PIWIL1: variants seen among roughly 807,000 people sequenced by gnomAD.
The protein encoded by PIWIL1 is piwi like RNA-mediated gene silencing 1.
PIWIL1 carries 73 observed loss-of-function variants against 114.4 expected under a neutral mutation model. That is an observed-to-expected ratio of 0.64 (90% CI 0.53 to 0.78). The LOEUF (loss-of-function observed/expected upper bound fraction) is 0.78. Ranked by LOEUF, PIWIL1 falls within the 30% of genes least tolerant of loss-of-function variation. PIWIL1 has a pLI of 0.00. For missense variants in PIWIL1, 723 were observed against 1,063.1 expected, an observed-to-expected ratio of 0.68 and a Z score of 4.45; for synonymous variants, 375 against 369.0, an observed-to-expected ratio of 1.02 and a Z score of -0.19.
chr12:130,372,560 T>A lies in PIWIL1; in HGVS notation c.*962T>A, dbSNP rs2073834367. 8.2e-6 allele frequency: 1 copy of A among 122,098 alleles called. No individual in the cohort carries two copies. The highest frequency in any genetic ancestry group is 1.0e-4 in the Admixed American group (1 of 9,642). The allele number at this position is 122,098 out of a possible 1,614,324, so 7.6% of individuals were successfully genotyped here. A position where few individuals can be genotyped will look rare whatever the true frequency, so the allele number is the denominator to read the frequency against. On this transcript the variant is annotated 3_prime_UTR_variant, in exon 21 of 21. Transcript: ENST00000245255. ...TTGCAGTGAGCAGAGATCACGCCAC[T>A]GCACTCCAGCCTGGGCAACAGAGTG...
rs2073169771 is a variant in PIWIL1, at chr12:130,349,921, A to AG, written c.999dup (p.Lys334GlufsTer6). 6.2e-7 allele frequency: 1 copy of AG among 1,613,582 alleles called. No homozygotes were observed. Among genetic ancestry groups the AG allele is most frequent in the East Asian group, 2.2e-5 (1 of 44,850 alleles). On this transcript the variant is annotated frameshift_variant, in exon 9 of 21. Coordinates refer to ENST00000245255, the MANE Select transcript of PIWIL1 (RefSeq NM_004764.5). LOFTEE classifies it high-confidence loss of function. ...GACCAGAATCCCAAGAGCACCTTTA[A>AG]GAAAGCCGACGGCTCTGAAGTCAGC...
At chr12:130,401,905 C>G in the PIWIL1 span, among the ~76,000 whole-genome samples, 5 of 152,132 alleles carry the variant, frequency 3.3e-5, no homozygotes, top group African/African-American at 1.2e-4. Flanking sequence ...ATGCACACAT[C>G]TCCGCTGGTG....
At chr12:130,343,524 G>A (rs1429473853) in intron 3 of PIWIL1, among the ~76,000 whole-genome samples, 1 of 151,740 alleles carries the variant, frequency 6.6e-6, no homozygotes, top group Non-Finnish European at 1.5e-5. Context: ...CTAATGTATT[G>A]TAGAAATTAA....
intron 14 of PIWIL1, among the ~76,000 whole-genome samples, 163 bp from the exon 15 acceptor site, chr12:130,361,017 T>A (rs1364894309): frequency 6.6e-6 from 1 of 152,212 alleles, no homozygotes; most frequent in Non-Finnish European, 1.5e-5. Flanking sequence ...GAGCAGTATT[T>A]GTTAATGTCC....
the PIWIL1 span, among the ~76,000 whole-genome samples, chr12:130,421,724 T>TGTGTGTGTGTGTGTGTGTGTGTG: frequency 6.6e-6 from 1 of 151,482 alleles, no homozygotes; most frequent in African/African-American, 2.4e-5. Flanking sequence ...TGTGTGTGTG[T>TGTGTGTGTGTGTGTGTGTGTGTG]TTTCATAGAA....
chr12:130,338,987 G>C (rs2072812876), intron 1 of PIWIL1, among the ~76,000 whole-genome samples: 1 of 152,006 alleles, frequency 6.6e-6, no homozygotes, highest in South Asian at 2.1e-4. Flanking sequence ...GAGACTGCGG[G>C]GACCTGAGAG....
intron 19 of PIWIL1, among the ~76,000 whole-genome samples, chr12:130,369,144 G>A (rs11060847): frequency 0.12 from 18,000 of 152,044 alleles, 1,179 homozygotes; most frequent in South Asian, 0.18. Context: ...GAGAACATGC[G>A]GTGTTAAGTT....
At chr12:130,364,236 T>C (rs2073593575) in intron 18 of PIWIL1, among the ~76,000 whole-genome samples, 1 of 152,264 alleles carries the variant, frequency 6.6e-6, no homozygotes, top group African/African-American at 2.4e-5. Context: ...TCCTGTTTCG[T>C]GTGCTTGCAC....
chr12:130,363,024 AC>A lies in PIWIL1; in HGVS notation c.2076del (p.Tyr692Ter). On this transcript the variant is annotated frameshift_variant, in exon 18 of 21. Coordinates refer to ENST00000245255, the MANE Select transcript of PIWIL1 (RefSeq NM_004764.5). LOFTEE classifies it high-confidence loss of function. The part of the protein sequence containing the change: ...ALRAWNSCNE[Y>X]MPSRIIVYRD... ...AGGGCTTGGAATAGCTGCAATGAGT[AC>A]ATGCCCAGCCGGATCATCGTGTACC... The A allele has an allele frequency of 6.2e-7, 1 of 1,614,240 alleles. No homozygotes were observed.
At chr12:130,408,363 C>A in the PIWIL1 span, among the ~76,000 whole-genome samples, 2 of 152,218 alleles carry the variant, frequency 1.3e-5, no homozygotes, top group African/African-American at 4.8e-5. Context: ...CCTTCTCCAC[C>A]CAGCCCAGTG....
chr12:130,407,884 C>T, the PIWIL1 span: 35 of 1,495,152 alleles, frequency 2.3e-5, no homozygotes, highest in Admixed American at 1.0e-4. Context: ...TCAAACTTAG[C>T]GGTGTTCCCC....
chr12:130,410,530 A>C, the PIWIL1 span, among the ~76,000 whole-genome samples: 3 of 152,240 alleles, frequency 2.0e-5, no homozygotes, highest in African/African-American at 7.2e-5. Context: ...ATTTTTATTT[A>C]AGTTTTTAAT....
At chr12:130,373,484 G>C (rs943346968), downstream of PIWIL1, among the ~76,000 whole-genome samples, 2 of 152,112 alleles carry the variant, frequency 1.3e-5, no homozygotes, top group Non-Finnish European at 2.9e-5. Flanking sequence ...TAGTTGAAAG[G>C]GACAGAAAAC....
chr12:130,402,471 T>C, the PIWIL1 span, among the ~76,000 whole-genome samples: 1 of 152,118 alleles, frequency 6.6e-6, no homozygotes, highest in Non-Finnish European at 1.5e-5. Flanking sequence ...GAGGGTTCCA[T>C]ATAGCATGTT....
chr12:130,385,157 G>A, the PIWIL1 span, among the ~76,000 whole-genome samples: 3 of 152,140 alleles, frequency 2.0e-5, no homozygotes, highest in African/African-American at 7.2e-5. Flanking sequence ...TAGTTAGTTG[G>A]CTTGGTGATG....
At chr12:130,363,763 G>C (rs561331660) in intron 18 of PIWIL1, among the ~76,000 whole-genome samples, 1 of 151,682 alleles carries the variant, frequency 6.6e-6, no homozygotes, top group Admixed American at 6.6e-5. Context: ...GATTACAGGC[G>C]TGCACCACCA....
intron 9 of PIWIL1, 132 bp from the exon 10 acceptor site, chr12:130,354,405 A>T: frequency 8.7e-7 from 1 of 1,152,076 alleles, no homozygotes; most frequent in Non-Finnish European, 1.3e-6. Flanking sequence ...TTAAAACTTT[A>T]CTCTGAAGCT....
At chr12:130,418,923 A>C in the PIWIL1 span, among the ~76,000 whole-genome samples, 5 of 152,142 alleles carry the variant, frequency 3.3e-5, no homozygotes, top group Non-Finnish European at 7.3e-5. Context: ...TCCCCCAACG[A>C]AGGCTCCTTC....
intron 3 of PIWIL1, among the ~76,000 whole-genome samples, chr12:130,344,774 G>C (rs569384767): frequency 6.6e-6 from 1 of 152,298 alleles, no homozygotes; most frequent in African/African-American, 2.4e-5. Flanking sequence ...AAAGGGTCAG[G>C]AAGTACAAAA....
Sources: gnomAD v4.1 joint callset for allele counts (sites outside exome capture counted in the v4.1 genomes callset) on GRCh38, gnomAD v4.1.1 for gene constraint, MANE v1.5 for transcripts, NCBI Gene and HGNC (gene_info 2026-07-23, HGNC 2026-07-21) for gene names.